The following KCNT1 variants were observed in gnomAD, a reference collection of about 807,000 sequenced individuals.
KCNT1 encodes potassium sodium-activated channel subfamily T member 1.
Under a neutral mutation model 147.8 loss-of-function variants are expected in KCNT1, and 78 were observed. That is an observed-to-expected ratio of 0.53 (90% CI 0.44 to 0.64). The LOEUF is 0.64. Ranked by LOEUF, KCNT1 falls within the 30% of genes least tolerant of loss-of-function variation. The pLI is 0.00. For missense variants in KCNT1, 1,419 were observed against 1,750.3 expected (o/e 0.81, Z 3.38); for synonymous variants, 867 against 748.8 (o/e 1.16, Z -2.58).
chr9:135,791,553 G>T, intron 29 of KCNT1: 1 of 519,722 alleles, frequency 1.9e-6, no homozygotes, highest in Non-Finnish European at 3.5e-6. Context: ...CACCAGAGGT[G>T]GGTGCGGGTC....
chr9:135,723,613 G>C lies in KCNT1; in HGVS notation c.254+8893G>C, dbSNP rs963375993. On this transcript the variant is annotated intron_variant, in intron 2 of 30. Transcript: ENST00000371757. ...CTACACGGGGCCTGCTGCCTCCAGA[G>C]GGACCCTGGGGCTTGGGGGGCCTCA... 4.6e-5 allele frequency among the ~76,000 whole-genome samples: 7 copies of C among 152,238 alleles called. No individual in the cohort carries two copies. The East Asian group carries it at 9.6e-4, about 21-fold the overall frequency.
intron 13 of KCNT1, among the ~76,000 whole-genome samples, chr9:135,767,439 T>G (rs576551041): frequency 5.3e-4 from 80 of 152,236 alleles, no homozygotes; most frequent in Admixed American, 4.8e-3. Context: ...TCAGCAGTGC[T>G]AGGTGGTTTC....
chr9:135,736,689 C>A (rs1463049898), intron 2 of KCNT1: 72 of 334,160 alleles, frequency 2.2e-4, no homozygotes, highest in Non-Finnish European at 1.5e-4. Context: ...GCCCGGGGGG[C>A]GCCCCAGCCG....
intron 12 of KCNT1, among the ~76,000 whole-genome samples, 174 bp downstream of exon 12, chr9:135,765,369 TGCCATCCTCTC>T (rs1253049077): frequency 7.2e-5 from 4 of 55,192 alleles, no homozygotes; most frequent in African/African-American, 3.7e-4. Context: ...TCCCCAGGAC[TGCCATCCTCTC>T]CCCAGGACTG....
At chr9:135,735,001 A>G (rs552440478) in intron 2 of KCNT1, among the ~76,000 whole-genome samples, 2 of 152,330 alleles carry the variant, frequency 1.3e-5, no homozygotes, top group South Asian at 4.1e-4. Context: ...GCCCAGGAGA[A>G]GAGCCCAGCC....
At chr9:135,739,291 CG>C (rs1294331614) in intron 2 of KCNT1, among the ~76,000 whole-genome samples, 1 of 152,094 alleles carries the variant, frequency 6.6e-6, no homozygotes, top group Non-Finnish European at 1.5e-5. Flanking sequence ...TGAGGTCTAG[CG>C]TGGTCCAGTT....
intron 2 of KCNT1, among the ~76,000 whole-genome samples, chr9:135,726,795 TTCTC>T (rs375859667): frequency 3.1e-4 from 31 of 98,738 alleles, no homozygotes; most frequent in African/African-American, 8.3e-4. Context: ...GTCTTTCCTA[TTCTC>T]TCTCTCTCTC....
chr9:135,792,312 C>CACCGAGAT lies in KCNT1; in HGVS notation c.*151_*152insACCGAGAT. 4 of 1,049,096 alleles carry CACCGAGAT rather than the reference C, an allele frequency of 3.8e-6. No individual in the cohort carries two copies. The highest frequency in any genetic ancestry group is 1.7e-5 in the South Asian group (1 of 58,290). 65.0% of individuals were successfully genotyped at this position (1,049,096 alleles called of 1,614,324 possible). ...TGGGACTCCACCCTGGAAAGGAGCC[C>CACCGAGAT]CTCATGCGGGGGGAGGGCCAGCTCA... On this transcript the variant is annotated 3_prime_UTR_variant, in exon 31 of 31. Transcript: ENST00000371757.
chr9:135,706,463 C>T (rs1229708306), intron 1 of KCNT1, among the ~76,000 whole-genome samples: 2 of 152,230 alleles, frequency 1.3e-5, no homozygotes, highest in African/African-American at 4.8e-5. Context: ...TGGTGTGTGC[C>T]AGCTGCCACC....
rs544099606 is a variant in KCNT1 at position 135,775,403 on chromosome 9, G to T, written c.2337G>T (p.Leu779=). ...LLPVKAPFCC[L]RLDKGCKHNS... ...CTGTGAAAGCCCCCTTCTGCTGCCTGCGGCTGGACAAGGTAAGGCTGGCGG... is the reference window on the plus strand; with the variant it reads ...CTGTGAAAGCCCCCTTCTGCTGCCTTCGGCTGGACAAGGTAAGGCTGGCGG... The change falls in exon 20 of 31, where the codon CTG becomes CTT. Residue 779 remains leucine (L), a synonymous_variant. Coordinates refer to ENST00000371757, the MANE Select transcript of KCNT1 (RefSeq NM_020822.3). 6 of 1,610,034 alleles carry T rather than the reference G, an allele frequency of 3.7e-6. No homozygotes were observed. The South Asian group carries it at 5.6e-5, about 15-fold the overall frequency.
rs780074400 is a variant in KCNT1, at chr9:135,778,842, C to T, written c.2729+20C>T. On this transcript the variant is annotated intron_variant, in intron 23 of 30. Coordinates refer to ENST00000371757, the MANE Select transcript of KCNT1 (RefSeq NM_020822.3). ...GTTCCGGTGCGTCCAGTGTCCGGGG[C>T]TCGGCTCTAAACCACCCCACAGCCA... 6.2e-7 allele frequency: 1 copy of T among 1,612,410 alleles called. No homozygotes were observed. The highest frequency in any genetic ancestry group is 8.5e-7 in the Non-Finnish European group (1 of 1,179,418).
intron 1 of KCNT1, among the ~76,000 whole-genome samples, chr9:135,703,646 C>T (rs1835125079): frequency 1.3e-5 from 2 of 152,208 alleles, no homozygotes; most frequent in Admixed American, 6.5e-5. Flanking sequence ...CAAGGGGGTC[C>T]TGGATTGCCC....
chr9:135,758,253 C>T (rs1011414458), intron 9 of KCNT1, among the ~76,000 whole-genome samples, 161 bp from the exon 10 acceptor site: 2 of 147,120 alleles, frequency 1.4e-5, no homozygotes, highest in African/African-American at 2.5e-5. Context: ...GGGCCTCAGC[C>T]GAGACACAGG....
intron 10 of KCNT1, among the ~76,000 whole-genome samples, chr9:135,759,242 G>A (rs1588329503): frequency 6.6e-6 from 1 of 152,332 alleles, no homozygotes; most frequent in African/African-American, 2.4e-5. Context: ...AGGCCTGAGT[G>A]TGGTGGGTAA....
chr9:135,786,113 C>T, intron 28 of KCNT1, 84 bp from the exon 29 acceptor site: 9 of 1,284,798 alleles, frequency 7.0e-6, no homozygotes, highest in Non-Finnish European at 9.7e-6. Flanking sequence ...GAGCCCACAC[C>T]TCTTCCTAAG....
chr9:135,765,468 C>A (rs1373742943), intron 12 of KCNT1, among the ~76,000 whole-genome samples, 156 bp from the exon 13 acceptor site: 1 of 152,114 alleles, frequency 6.6e-6, no homozygotes, highest in African/African-American at 2.4e-5. Flanking sequence ...GGTGGAGGGG[C>A]CCTGCGGGGG....
intron 2 of KCNT1, among the ~76,000 whole-genome samples, chr9:135,740,248 G>A (rs563120099): frequency 2.5e-4 from 38 of 152,284 alleles, no homozygotes; most frequent in South Asian, 1.0e-3. Flanking sequence ...ACAAAACTCC[G>A]CCCGAGATAA....
intron 1 of KCNT1, among the ~76,000 whole-genome samples, chr9:135,703,982 G>A (rs981583750): frequency 1.8e-4 from 28 of 152,378 alleles, no homozygotes; most frequent in African/African-American, 6.3e-4. Context: ...GATGTCAGGC[G>A]TCAGGCTTGG....
intron 24 of KCNT1, among the ~76,000 whole-genome samples, chr9:135,780,395 C>CAA (rs1564384974): frequency 6.6e-6 from 1 of 152,180 alleles, no homozygotes; most frequent in Admixed American, 6.5e-5. Context: ...GCCACCAACA[C>CAA]CAGGCAGAGG....
Sources: gnomAD v4.1 joint callset for allele counts (sites outside exome capture counted in the v4.1 genomes callset) on GRCh38, gnomAD v4.1.1 for gene constraint, MANE v1.5 for transcripts, NCBI Gene and HGNC (gene_info 2026-07-23, HGNC 2026-07-21) for gene names.